The following DST variants were observed in gnomAD, a reference collection of about 807,000 sequenced individuals.
DST encodes dystonin.
A neutral mutation model predicts 875.2 loss-of-function variants in DST; 253 were observed. The observed-to-expected ratio is 0.29, with a 90% CI of 0.26 to 0.32. DST has a LOEUF of 0.32. Ranked by LOEUF, DST falls within the 10% of genes least tolerant of loss-of-function variation. The pLI is 1.00. For missense variants in DST, 8,287 were observed against 9,111.6 expected, an observed-to-expected ratio of 0.91 and a Z score of 3.68; for synonymous variants, 3,124 against 3,197.1, an observed-to-expected ratio of 0.98 and a Z score of 0.77.
chr6:56,568,737 T>C, intron 54 of DST, 142 bp from the exon 55 acceptor site: 1 of 733,512 alleles, frequency 1.4e-6, no homozygotes, highest in Non-Finnish European at 2.1e-6. Context: ...AAAAGGCACC[T>C]ATTTGTTCCC....
chr6:56,564,156 T>C (rs1428647959), intron 55 of DST, among the ~76,000 whole-genome samples: 1 of 152,206 alleles, frequency 6.6e-6, no homozygotes, highest in Non-Finnish European at 1.5e-5. Flanking sequence ...AATCTACAAA[T>C]TACTTTGGGT....
intron 8 of DST, among the ~76,000 whole-genome samples, chr6:56,701,644 T>C (rs2152877365): frequency 6.6e-6 from 1 of 152,206 alleles, no homozygotes; most frequent in Middle Eastern, 3.4e-3. Flanking sequence ...AGAAAGAAAA[T>C]CACAAGTTCT....
At chr6:56,927,223 T>A (rs923153099) in intron 2 of DST, among the ~76,000 whole-genome samples, 3 of 152,102 alleles carry the variant, frequency 2.0e-5, no homozygotes, top group Non-Finnish European at 4.4e-5. Context: ...TTTAATGAAA[T>A]AAGTTTCCCA....
intron 44 of DST, 56 bp from the exon 45 acceptor site, chr6:56,600,277 T>C (rs2098434445): frequency 2.6e-6 from 4 of 1,520,748 alleles, no homozygotes; most frequent in Middle Eastern, 1.7e-4. Context: ...AAAATCGCTA[T>C]TGTGATAGCT....
chr6:56,843,364 T>A, intron 4 of DST: 1 of 1,177,452 alleles, frequency 8.5e-7, no homozygotes, highest in South Asian at 4.2e-5. Flanking sequence ...GGCAGGCCGA[T>A]GGTGGGCCGC....
chr6:56,617,898 T>C, intron 36 of DST: 1 of 1,150,732 alleles, frequency 8.7e-7, no homozygotes. Context: ...TTCAAAATTG[T>C]TTTAAAAATT....
At chr6:56,875,468 C>T (rs1779247053) in intron 3 of DST, among the ~76,000 whole-genome samples, 1 of 152,106 alleles carries the variant, frequency 6.6e-6, no homozygotes, top group Non-Finnish European at 1.5e-5. Context: ...CACTTATGCA[C>T]AATTATACAA....
At chr6:56,661,327 T>C (rs1278299582) in intron 10 of DST, among the ~76,000 whole-genome samples, 1 of 152,160 alleles carries the variant, frequency 6.6e-6, no homozygotes, top group Non-Finnish European at 1.5e-5. Context: ...CGGCTGCTCC[T>C]GTAATGTAAA....
intron 58 of DST, among the ~76,000 whole-genome samples, chr6:56,558,744 A>G (rs529953056): frequency 1.3e-5 from 2 of 152,050 alleles, no homozygotes; most frequent in African/African-American, 4.8e-5. Context: ...GCCTCCCACA[A>G]TCTTTGAAGG....
At position 56,604,333 on chromosome 6, in the gene DST, T is replaced by A. The variant is rs968429802; in HGVS notation, c.10295A>T (p.Asp3432Val). Residue 3432 changes from aspartate to valine, a missense_variant, in exon 40 of 104, where the codon GAT becomes GTT. Physicochemically the swap from Asp to Val is radical, Grantham distance 152. Coordinates refer to ENST00000680361, the MANE Select transcript of DST (RefSeq NM_001374736.1). ...AAGATTTCCAATACAGAAAGGATCA[T>A]CTCTACTTTCTGGCTTTAGTTCTGA... The part of the protein sequence containing the change: ...NSSELKPESR[D>V]DPFCIGNLKS... 3 of 1,612,324 alleles carry A rather than the reference T, an allele frequency of 1.9e-6. No homozygotes were observed. Among genetic ancestry groups the A allele is most frequent in the African/African-American group, 2.7e-5 (2 of 74,874 alleles).
rs142354171 is a variant in DST, at chr6:56,859,753, C to A, written c.418-8149G>T. On this transcript the variant is annotated intron_variant, in intron 3 of 103. Coordinates refer to ENST00000680361, the MANE Select transcript of DST (RefSeq NM_001374736.1). ...ACTGGGAGAGCAGAAGTGACAAAAT[C>A]GCCAATTTATAATTAAATATCAATC... 1.9e-3 allele frequency among the ~76,000 whole-genome samples: 284 copies of A among 152,224 alleles called. 2 individuals carry two copies. The highest frequency in any genetic ancestry group is 6.0e-3 in the African/African-American group (251 of 41,546).
rs1039682554 is a variant in DST, at chr6:56,637,015, G to A, written c.2965-363C>T. On this transcript the variant is annotated intron_variant, in intron 22 of 103. Transcript: ENST00000680361. ...GGAGAATTGCTTGAACCCAGGAGGC[G>A]GAGGTTACAGTGAGCCAAAATTGCG... Among the ~76,000 whole-genome samples the A allele has an allele frequency of 3.9e-5, 6 of 152,138 alleles. No individual in the cohort carries two copies. In the South Asian group the frequency reaches 6.2e-4, roughly 16 times the overall value.
intron 2 of DST, among the ~76,000 whole-genome samples, chr6:56,911,376 A>G (rs188061960): frequency 2.0e-5 from 3 of 152,298 alleles, no homozygotes; most frequent in Admixed American, 2.0e-4. Context: ...TGGTCTGCAG[A>G]CCAAACTTTG....
rs547850889 is a variant in DST, at chr6:56,636,419, T to C, written c.3060+138A>G. The C allele has an allele frequency of 7.0e-5, 48 of 683,110 alleles. No homozygotes were observed. The Middle Eastern group carries it at 1.9e-3, about 27-fold the overall frequency. The allele number at this position is 683,110 out of a possible 1,614,324, so 42.3% of individuals were successfully genotyped here. ...GTATGTGTGTATATATATACACACA[T>C]ATATGTGTATATATATATGTGTGTA... is the stretch of plus-strand genomic sequence containing the variant. On this transcript the variant is annotated intron_variant, in intron 23 of 103. Transcript: ENST00000680361.
At chr6:56,631,053 G>T (rs1167160190) in intron 30 of DST, among the ~76,000 whole-genome samples, 158 bp downstream of exon 30, 1 of 151,830 alleles carries the variant, frequency 6.6e-6, no homozygotes, top group East Asian at 1.9e-4. Context: ...AAAGTGCTGG[G>T]ATTACCGGCA....
chr6:56,798,028 C>T (rs192576301), intron 4 of DST, among the ~76,000 whole-genome samples: 5 of 152,002 alleles, frequency 3.3e-5, no homozygotes, highest in Admixed American at 6.6e-5. Context: ...GCAGTAGGTT[C>T]GTAAGATTTA....
chr6:56,937,847 C>T (rs1432303792), intron 2 of DST, among the ~76,000 whole-genome samples: 1 of 152,090 alleles, frequency 6.6e-6, no homozygotes, highest in Non-Finnish European at 1.5e-5. Context: ...CTGATACATA[C>T]TACAACATGG....
chr6:56,504,336 T>G (rs2096245170), intron 77 of DST, among the ~76,000 whole-genome samples: 1 of 152,126 alleles, frequency 6.6e-6, no homozygotes, highest in Admixed American at 6.6e-5. Flanking sequence ...ATTCAATAGA[T>G]TCTTGATATA....
At chr6:56,486,171 G>A (rs900114326) in intron 87 of DST, among the ~76,000 whole-genome samples, 9 of 151,780 alleles carry the variant, frequency 5.9e-5, no homozygotes, top group African/African-American at 1.7e-4. Flanking sequence ...AGACCATCCC[G>A]GCTAAAACGG....
Sources: gnomAD v4.1 joint callset for allele counts (sites outside exome capture counted in the v4.1 genomes callset) on GRCh38, gnomAD v4.1.1 for gene constraint, MANE v1.5 for transcripts, NCBI Gene and HGNC (gene_info 2026-07-23, HGNC 2026-07-21) for gene names.